CALN1: variants seen among roughly 807,000 people sequenced by gnomAD.
The protein encoded by CALN1 is calneuron 1, also known as calcium-binding protein 8.
CALN1 carries 17 observed loss-of-function variants against 30.6 expected under a neutral mutation model. The observed-to-expected ratio is 0.56, with a 90% CI of 0.38 to 0.83. The LOEUF is 0.83. Ranked by LOEUF, CALN1 falls within the 40% of genes least tolerant of loss-of-function variation. The pLI, the probability that CALN1 is intolerant of heterozygous loss-of-function variation, is 0.00. For missense variants in CALN1, 291 were observed against 354.9 expected (o/e 0.82, Z 1.45); for synonymous variants, 156 against 131.4 (o/e 1.19, Z -1.28).
chr7:72,162,990 A>G (rs188639479), intron 3 of CALN1, among the ~76,000 whole-genome samples: 2 of 152,358 alleles, frequency 1.3e-5, no homozygotes, highest in East Asian at 3.9e-4. Flanking sequence ...TGAACTGCTC[A>G]GGCACAGGAG....
chr7:71,815,481 C>T (rs576011734), intron 5 of CALN1, among the ~76,000 whole-genome samples: 2 of 152,240 alleles, frequency 1.3e-5, no homozygotes, highest in South Asian at 2.1e-4. Context: ...CTGCTTCATT[C>T]TAGGTTCTGG....
chr7:72,074,335 A>G (rs993766725), intron 4 of CALN1, among the ~76,000 whole-genome samples: 1 of 152,232 alleles, frequency 6.6e-6, no homozygotes, highest in Non-Finnish European at 1.5e-5. Flanking sequence ...CCCTAGTCAT[A>G]GCGGCAGGAC....
At chr7:72,394,498 C>A (rs1384235244) in intron 2 of CALN1, among the ~76,000 whole-genome samples, 3 of 152,082 alleles carry the variant, frequency 2.0e-5, no homozygotes, top group Admixed American at 6.6e-5. Context: ...CGGGACTGGT[C>A]CAGTACATTG....
At chr7:72,423,624 G>A (rs1046059962) in intron 1 of CALN1, among the ~76,000 whole-genome samples, 4 of 152,126 alleles carry the variant, frequency 2.6e-5, no homozygotes, top group African/African-American at 9.7e-5. Flanking sequence ...CCACCTGGGC[G>A]AATTCAAAGA....
chr7:71,926,083 C>T (rs1311265645), intron 5 of CALN1, among the ~76,000 whole-genome samples: 1 of 152,162 alleles, frequency 6.6e-6, no homozygotes, highest in East Asian at 1.9e-4. Context: ...GGCCTTGAAG[C>T]CTCAGTTTGG....
intron 4 of CALN1, among the ~76,000 whole-genome samples, chr7:72,043,735 G>A (rs866190487): frequency 9.2e-5 from 14 of 152,162 alleles, no homozygotes; most frequent in African/African-American, 3.4e-4. Context: ...AGACAACAGA[G>A]TGAGACCCTG....
At chr7:72,078,753 T>A (rs1804920407) in intron 4 of CALN1, among the ~76,000 whole-genome samples, 1 of 152,090 alleles carries the variant, frequency 6.6e-6, no homozygotes, top group Non-Finnish European at 1.5e-5. Flanking sequence ...CTGGCCAACA[T>A]GGTGAAACCC....
At chr7:71,907,305 C>T (rs551753708) in intron 5 of CALN1, among the ~76,000 whole-genome samples, 3 of 151,824 alleles carry the variant, frequency 2.0e-5, no homozygotes, top group African/African-American at 7.3e-5. Context: ...TCGCAAGCGT[C>T]TCCAGAATGC....
chr7:72,120,923 G>T (rs1434009116), intron 3 of CALN1, among the ~76,000 whole-genome samples: 1 of 152,078 alleles, frequency 6.6e-6, no homozygotes, highest in African/African-American at 2.4e-5. Context: ...CAGGTGAGGG[G>T]ACCAGGACTC....
chr7:71,997,433 A>T (rs1435679040), intron 5 of CALN1, among the ~76,000 whole-genome samples: 1 of 152,192 alleles, frequency 6.6e-6, no homozygotes, highest in Non-Finnish European at 1.5e-5. Flanking sequence ...ACAGATCCTC[A>T]GGGGCAATTA....
At chr7:71,974,042 C>CA in intron 5 of CALN1, among the ~76,000 whole-genome samples, 1 of 152,264 alleles carries the variant, frequency 6.6e-6, no homozygotes, top group East Asian at 1.9e-4. Flanking sequence ...GCCTTCCCTG[C>CA]ATAGTCTGAA....
At chr7:72,135,790 C>T (rs1265293013) in intron 3 of CALN1, among the ~76,000 whole-genome samples, 1 of 152,178 alleles carries the variant, frequency 6.6e-6, no homozygotes, top group Non-Finnish European at 1.5e-5. Flanking sequence ...CAGGCATTGA[C>T]TTCTCCTACC....
intron 2 of CALN1, among the ~76,000 whole-genome samples, chr7:72,350,573 A>G (rs1035924470): frequency 6.6e-6 from 1 of 152,178 alleles, no homozygotes; most frequent in Non-Finnish European, 1.5e-5. Flanking sequence ...GTGGGAGCTA[A>G]ACATTGAGTA....
At chr7:72,064,882 C>T (rs997135875) in intron 4 of CALN1, among the ~76,000 whole-genome samples, 1 of 151,548 alleles carries the variant, frequency 6.6e-6, no homozygotes, top group African/African-American at 2.4e-5. Context: ...TAAGCTGATC[C>T]TAGGCTGATC....
intron 3 of CALN1, among the ~76,000 whole-genome samples, chr7:72,178,468 G>A (rs1789527795): frequency 6.6e-6 from 1 of 152,092 alleles, no homozygotes; most frequent in Non-Finnish European, 1.5e-5. Context: ...TGAGGTAGGT[G>A]AATCACGAGG....
intron 2 of CALN1, among the ~76,000 whole-genome samples, chr7:72,300,591 G>A (rs1009639992): frequency 4.6e-5 from 7 of 152,088 alleles, no homozygotes; most frequent in Non-Finnish European, 7.4e-5. Flanking sequence ...TGAGAAAAAC[G>A]AACACACTTC....
intron 5 of CALN1, among the ~76,000 whole-genome samples, chr7:71,990,585 TG>T (rs760683859): frequency 5.3e-5 from 8 of 152,044 alleles, no homozygotes; most frequent in Non-Finnish European, 8.8e-5. Context: ...CCTCAGTAAC[TG>T]TGATTACAGG....
At chr7:72,075,472 A>G (rs1371247696) in intron 4 of CALN1, among the ~76,000 whole-genome samples, 1 of 152,204 alleles carries the variant, frequency 6.6e-6, no homozygotes, top group Non-Finnish European at 1.5e-5. Flanking sequence ...GAATTTTGGA[A>G]CTTACCTAGT....
chr7:72,503,786 CCT>C, the CALN1 span, among the ~76,000 whole-genome samples: 1 of 152,036 alleles, frequency 6.6e-6, no homozygotes, highest in Non-Finnish European at 1.5e-5. Flanking sequence ...ATCCTTGCAG[CCT>C]CTGTTTGCTA....
Sources: allele counts gnomAD v4.1 joint callset (sites outside exome capture counted in the v4.1 genomes callset), GRCh38; gene constraint gnomAD v4.1.1; transcripts MANE v1.5; gene names NCBI Gene and HGNC (gene_info 2026-07-23, HGNC 2026-07-21).